ZFHX3: variants seen among roughly 807,000 people sequenced by gnomAD.
The protein encoded by ZFHX3 is zinc finger homeobox 3.
ZFHX3 carries 42 observed loss-of-function variants against 279.1 expected under a neutral mutation model. That is an observed-to-expected ratio of 0.15 (90% CI 0.12 to 0.19). ZFHX3 has a LOEUF of 0.19. ZFHX3 is among the 10% of genes least tolerant of loss of function. The pLI is 1.00. For synonymous variants in ZFHX3, 2,293 were observed against 1,957.8 expected, an observed-to-expected ratio of 1.17 and a Z score of -4.52; for missense variants, 4,981 against 4,754.0, an observed-to-expected ratio of 1.05 and a Z score of -1.40.
chr16:73,064,531 C>T (rs1431789483), upstream of ZFHX3, among the ~76,000 whole-genome samples: 1 of 151,282 alleles, frequency 6.6e-6, no homozygotes, highest in Non-Finnish European at 1.5e-5. Context: ...CTTTTGAACT[C>T]CCGATTCAAA....
chr16:72,997,382 T>C (rs1370664515), intron 1 of ZFHX3, among the ~76,000 whole-genome samples: 1 of 152,210 alleles, frequency 6.6e-6, no homozygotes, highest in Non-Finnish European at 1.5e-5. Flanking sequence ...TAGAGTTCTT[T>C]ACTCAAGAGG....
At chr16:73,091,573 C>G (rs1316427960) in intron 8 of ZFHX3, among the ~76,000 whole-genome samples, 1 of 152,186 alleles carries the variant, frequency 6.6e-6, no homozygotes, top group African/African-American at 2.4e-5. Flanking sequence ...CTTGCTCAAT[C>G]CCATCTTTAT....
At chr16:73,266,629 C>A (rs1345673917) in intron 4 of ZFHX3, among the ~76,000 whole-genome samples, 3 of 152,200 alleles carry the variant, frequency 2.0e-5, no homozygotes, top group African/African-American at 7.2e-5. Context: ...CCACCCAAAT[C>A]TCATCTTGAA....
At chr16:73,647,013 C>CTTTTT (rs4003260) in intron 2 of ZFHX3, among the ~76,000 whole-genome samples, 9 of 146,162 alleles carry the variant, frequency 6.2e-5, no homozygotes, top group African/African-American at 2.5e-5. Flanking sequence ...TTGTGCCAAC[C>CTTTTT]TTTTTTTTTT....
At chr16:73,459,250 T>C (rs2018429069) in intron 2 of ZFHX3, among the ~76,000 whole-genome samples, 1 of 152,250 alleles carries the variant, frequency 6.6e-6, no homozygotes, top group Non-Finnish European at 1.5e-5. Flanking sequence ...AATACAGAGG[T>C]AAATGTATAT....
intron 3 of ZFHX3, among the ~76,000 whole-genome samples, chr16:73,386,104 G>T (rs568437966): frequency 1.3e-5 from 2 of 152,202 alleles, no homozygotes; most frequent in East Asian, 3.9e-4. Flanking sequence ...GTTTTCTTTA[G>T]CACCATTCCA....
chr16:73,387,654 C>G (rs191034861), intron 3 of ZFHX3, among the ~76,000 whole-genome samples: 2 of 152,072 alleles, frequency 1.3e-5, no homozygotes, highest in East Asian at 1.9e-4. Flanking sequence ...GAAAATTTTT[C>G]TTTTCAATTA....
intron 4 of ZFHX3, chr16:73,257,139 A>G (rs1044421610): frequency 6.6e-6 from 1 of 152,240 alleles, no homozygotes; most frequent in Admixed American, 6.5e-5. Flanking sequence ...ATCAGAGTCT[A>G]TAACAAAGCA....
rs564031073 is a variant in ZFHX3, at chr16:73,151,227, T to C, written c.-1103-7396A>G. Among the ~76,000 whole-genome samples the C allele has an allele frequency of 2.6e-5, 4 of 152,246 alleles. No individual in the cohort carries two copies. The South Asian group carries it at 8.3e-4, about 32-fold the overall frequency. Reference sequence around the variant, plus strand: ...TATTGTATATAATTTCTATAATGAATTTATATTACTTTGGAAGGAGGTAAA... The same window carrying C: ...TATTGTATATAATTTCTATAATGAACTTATATTACTTTGGAAGGAGGTAAA... On this transcript the variant is annotated intron_variant, in intron 5 of 17. Transcript: ENST00000641206.
intron 7 of ZFHX3, among the ~76,000 whole-genome samples, chr16:73,130,425 T>C (rs1227182123): frequency 1.3e-5 from 2 of 152,214 alleles, no homozygotes; most frequent in African/African-American, 2.4e-5. Flanking sequence ...CCTGGCACCA[T>C]ACACTCTTCT....
chr16:73,720,979 C>T (rs989374226), intron 1 of ZFHX3, among the ~76,000 whole-genome samples: 2 of 152,192 alleles, frequency 1.3e-5, no homozygotes, highest in South Asian at 2.1e-4. Context: ...CTAGGGGCCA[C>T]GTGTGGCTGA....
At chr16:73,003,284 T>C (rs1963562550) in intron 1 of ZFHX3, among the ~76,000 whole-genome samples, 1 of 150,008 alleles carries the variant, frequency 6.7e-6, no homozygotes, top group South Asian at 2.1e-4. Context: ...TCACCAGTCC[T>C]GATCCGGGTA....
chr16:73,168,040 A>G (rs566511338), intron 5 of ZFHX3, among the ~76,000 whole-genome samples: 21 of 152,320 alleles, frequency 1.4e-4, no homozygotes, highest in Non-Finnish European at 2.5e-4. Flanking sequence ...ACCTCTTACA[A>G]TATAAAATCA....
At chr16:73,882,425 G>C (rs984664393) in intron 1 of ZFHX3, among the ~76,000 whole-genome samples, 1 of 152,056 alleles carries the variant, frequency 6.6e-6, no homozygotes, top group Non-Finnish European at 1.5e-5. Context: ...AACATGATCA[G>C]TGAACTTATA....
chr16:73,195,068 G>A (rs952750559), intron 5 of ZFHX3, among the ~76,000 whole-genome samples: 1 of 152,200 alleles, frequency 6.6e-6, no homozygotes, highest in African/African-American at 2.4e-5. Flanking sequence ...AGGTTAGACA[G>A]AAGCATATTT....
At chr16:73,329,759 A>G (rs1443908711) in intron 3 of ZFHX3, among the ~76,000 whole-genome samples, 1 of 152,244 alleles carries the variant, frequency 6.6e-6, no homozygotes, top group Non-Finnish European at 1.5e-5. Context: ...CTAAGTAGGC[A>G]CCAAGGAACA....
intron 2 of ZFHX3, among the ~76,000 whole-genome samples, chr16:73,532,365 G>T (rs2019820780): frequency 6.6e-6 from 1 of 152,070 alleles, no homozygotes; most frequent in Non-Finnish European, 1.5e-5. Flanking sequence ...ACCTTCCTTT[G>T]CTCTTTCTTT....
chr16:73,319,546 A>G (rs2015529897), intron 3 of ZFHX3, among the ~76,000 whole-genome samples: 1 of 151,946 alleles, frequency 6.6e-6, no homozygotes, highest in African/African-American at 2.4e-5. Context: ...GGAAGCTAAG[A>G]AGAAACTCAG....
chr16:73,095,998 A>T, intron 7 of ZFHX3, among the ~76,000 whole-genome samples: 1 of 152,158 alleles, frequency 6.6e-6, no homozygotes, highest in East Asian at 1.9e-4. Context: ...ACAGGAAAAC[A>T]GTTAACAAGC....
Sources: gnomAD v4.1 joint callset for allele counts (sites outside exome capture counted in the v4.1 genomes callset) on GRCh38, gnomAD v4.1.1 for gene constraint, MANE v1.5 for transcripts, NCBI Gene and HGNC (gene_info 2026-07-23, HGNC 2026-07-21) for gene names.